The following CDKAL1 variants were observed in gnomAD, a reference collection of about 807,000 sequenced individuals.
CDKAL1 encodes threonylcarbamoyladenosine tRNA methylthiotransferase.
A neutral mutation model predicts 68.2 loss-of-function variants in CDKAL1; 32 were observed. The ratio of observed to expected loss-of-function variants is 0.47; its 90% CI spans 0.35 to 0.63. CDKAL1 has a LOEUF of 0.63. Among genes scored for constraint, CDKAL1 ranks in the 30% least tolerant of loss-of-function variants. The pLI, the probability that CDKAL1 is intolerant of heterozygous loss-of-function variation, is 0.00. For missense variants in CDKAL1, 606 were observed against 696.7 expected, an observed-to-expected ratio of 0.87 and a Z score of 1.47; for synonymous variants, 234 against 244.3, an observed-to-expected ratio of 0.96 and a Z score of 0.39.
intron 10 of CDKAL1, among the ~76,000 whole-genome samples, chr6:20,962,907 C>A (rs1033672948): frequency 6.6e-6 from 1 of 152,170 alleles, no homozygotes; most frequent in African/African-American, 2.4e-5. Flanking sequence ...CATTTATAAT[C>A]ATCAGTGCTC....
At chr6:21,160,428 G>A (rs1352109356) in intron 13 of CDKAL1, among the ~76,000 whole-genome samples, 1 of 151,346 alleles carries the variant, frequency 6.6e-6, no homozygotes, top group Non-Finnish European at 1.5e-5. Context: ...CTCCTGAGTA[G>A]CTGGGATTAC....
rs55795720 is a variant in CDKAL1 at position 20,928,685 on chromosome 6, C to CT, written c.743-26714dup. ...GATTGTCCATGAGGTTTACAATATT[C>CT]TTTTTTTTTTTTTTTTTTTTCATTT... On this transcript the variant is annotated intron_variant, in intron 9 of 15. Transcript: ENST00000274695. 6.2e-4 allele frequency among the ~76,000 whole-genome samples: 74 copies of CT among 120,206 alleles called. 1 individual carries two copies. Among genetic ancestry groups the CT allele is most frequent in the Middle Eastern group, 4.6e-3 (1 of 218 alleles). 78.9% of individuals were successfully genotyped at this position (120,206 alleles called of 152,430 possible). A position where few individuals can be genotyped will look rare whatever the true frequency, so the allele number is the denominator to read the frequency against.
At chr6:20,808,132 A>G (rs1332431498) in intron 8 of CDKAL1, among the ~76,000 whole-genome samples, 1 of 152,218 alleles carries the variant, frequency 6.6e-6, no homozygotes, top group Non-Finnish European at 1.5e-5. Context: ...TTCATATGTC[A>G]ATATTAGCAG....
At chr6:20,867,771 T>C (rs1009517163) in intron 9 of CDKAL1, among the ~76,000 whole-genome samples, 1 of 152,218 alleles carries the variant, frequency 6.6e-6, no homozygotes, top group East Asian at 1.9e-4. Flanking sequence ...GATGCACTTA[T>C]TTCAGCAGTA....
intron 11 of CDKAL1, among the ~76,000 whole-genome samples, chr6:21,054,897 G>A (rs115112279): frequency 0.015 from 2,168 of 140,794 alleles, 53 homozygotes; most frequent in African/African-American, 0.054. Context: ...CATGTCACCT[G>A]CCCAAAAAAA....
intron 5 of CDKAL1, among the ~76,000 whole-genome samples, chr6:20,738,494 T>TG (rs1773299146): frequency 1.3e-5 from 2 of 149,448 alleles, no homozygotes; most frequent in African/African-American, 2.5e-5. Flanking sequence ...AGTTTTTTTT[T>TG]TTTTTTTTTT....
intron 12 of CDKAL1, among the ~76,000 whole-genome samples, chr6:21,090,960 A>G (rs1442785264): frequency 1.3e-5 from 2 of 151,966 alleles, no homozygotes; most frequent in East Asian, 3.9e-4. Context: ...AAGCACCACA[A>G]TGCCTAGCTA....
chr6:20,581,418 A>G (rs528718925), intron 4 of CDKAL1, among the ~76,000 whole-genome samples: 3 of 152,334 alleles, frequency 2.0e-5, no homozygotes, highest in South Asian at 4.1e-4. Flanking sequence ...TCATTCTTAC[A>G]AAGTGTTCAT....
At chr6:21,226,651 G>A (rs1779757854) in intron 15 of CDKAL1, among the ~76,000 whole-genome samples, 1 of 152,170 alleles carries the variant, frequency 6.6e-6, no homozygotes. Context: ...TAGAATTTGA[G>A]TTCTTAAAAA....
chr6:20,567,676 CTTAT>C (rs971726115), intron 4 of CDKAL1, among the ~76,000 whole-genome samples: 1 of 151,922 alleles, frequency 6.6e-6, no homozygotes, highest in Non-Finnish European at 1.5e-5. Flanking sequence ...TGTTGGTGAA[CTTAT>C]TTATCTAGTC....
chr6:20,963,374 A>G (rs978344962), intron 10 of CDKAL1, among the ~76,000 whole-genome samples: 1 of 150,904 alleles, frequency 6.6e-6, no homozygotes, highest in Non-Finnish European at 1.5e-5. Flanking sequence ...CTGTGATACT[A>G]CTTGCTTGTG....
At chr6:21,102,486 A>T (rs1207326466) in intron 12 of CDKAL1, among the ~76,000 whole-genome samples, 1 of 151,996 alleles carries the variant, frequency 6.6e-6, no homozygotes, top group Non-Finnish European at 1.5e-5. Context: ...AGTGTCCCTT[A>T]TTGCATCTTA....
intron 2 of CDKAL1, among the ~76,000 whole-genome samples, chr6:20,544,058 A>G (rs946946070): frequency 2.0e-5 from 3 of 152,012 alleles, no homozygotes; most frequent in Admixed American, 6.6e-5. Flanking sequence ...ATTTAAGTCT[A>G]TGATCCATTT....
At chr6:21,211,724 TAGA>T (rs1779157315) in intron 15 of CDKAL1, among the ~76,000 whole-genome samples, 1 of 152,176 alleles carries the variant, frequency 6.6e-6, no homozygotes, top group Admixed American at 6.5e-5. Context: ...GGGTGAATAC[TAGA>T]AGTTTCTATC....
rs141768421 is a variant in CDKAL1, at chr6:20,631,154, T to G, written c.287-18139T>G. 3.9e-3 allele frequency among the ~76,000 whole-genome samples: 601 copies of G among 152,308 alleles called. 3 individuals are homozygous for G. Among genetic ancestry groups the G allele is most frequent in the African/African-American group, 0.013 (541 of 41,578 alleles). On this transcript the variant is annotated intron_variant, in intron 4 of 15. Coordinates refer to ENST00000274695, the MANE Select transcript of CDKAL1 (RefSeq NM_017774.3). ...CCAGGTAAACACTCCTCTTTTGAAG[T>G]TCTGCCCACCTGTTACGCCTCTGTG...
At chr6:20,928,747 GGCCTTGAACTCCTA>G (rs1418086629) in intron 9 of CDKAL1, among the ~76,000 whole-genome samples, 7 of 142,552 alleles carry the variant, frequency 4.9e-5, no homozygotes, top group African/African-American at 1.6e-4. Context: ...TGCCCAGGCT[GGCCTTGAACTCCTA>G]GCCTCAAACC....
At chr6:20,920,708 G>A (rs984208914) in intron 9 of CDKAL1, among the ~76,000 whole-genome samples, 1 of 152,156 alleles carries the variant, frequency 6.6e-6, no homozygotes, top group African/African-American at 2.4e-5. Flanking sequence ...TTTGTGGGCT[G>A]TATGCCCAAG....
intron 5 of CDKAL1, among the ~76,000 whole-genome samples, chr6:20,720,210 G>C (rs1389906087): frequency 2.0e-5 from 3 of 152,046 alleles, no homozygotes; most frequent in Non-Finnish European, 2.9e-5. Flanking sequence ...CTGCTTTCCT[G>C]GTTGCAATGC....
At chr6:21,126,184 G>T (rs1011880943) in intron 13 of CDKAL1, among the ~76,000 whole-genome samples, 1 of 152,066 alleles carries the variant, frequency 6.6e-6, no homozygotes, top group Non-Finnish European at 1.5e-5. Context: ...ATTTAAAATC[G>T]ATCTTTCTAT....
Sources: gnomAD v4.1 joint callset for allele counts (sites outside exome capture counted in the v4.1 genomes callset) on GRCh38, gnomAD v4.1.1 for gene constraint, MANE v1.5 for transcripts, NCBI Gene and HGNC (gene_info 2026-07-23, HGNC 2026-07-21) for gene names.